The following PCDHA6 variants were observed in gnomAD, a reference collection of about 807,000 sequenced individuals.
PCDHA6 encodes protocadherin alpha 6, also known as protocadherin alpha-6.
PCDHA6 carries 55 observed loss-of-function variants against 60.3 expected under a neutral mutation model. That is an observed-to-expected ratio of 0.91 (90% CI 0.73 to 1.14). PCDHA6 has a LOEUF of 1.14. Ranked by LOEUF, PCDHA6 falls within the 50% of genes most tolerant of loss-of-function variation. The pLI, the probability that PCDHA6 is intolerant of heterozygous loss-of-function variation, is 0.00. For synonymous variants in PCDHA6, 652 were observed against 557.9 expected, an observed-to-expected ratio of 1.17 and a Z score of -2.38; for missense variants, 1,327 against 1,256.5, an observed-to-expected ratio of 1.06 and a Z score of -0.85.
Position 140,893,829 on chromosome 5 carries a change from A to G in PCDHA6, c.2394+63344A>G, listed in dbSNP as rs528174798. On this transcript the variant is annotated intron_variant, in intron 1 of 3. Transcript: ENST00000529310. ...TTGAGTCTGGTACCGTAGACTACTC[A>G]GCCATCCTGATGCCCTACCTCTTGT... Among the ~76,000 whole-genome samples the G allele has an allele frequency of 2.0e-5, 3 of 152,296 alleles. No homozygotes were observed. The South Asian group carries it at 6.2e-4, about 32-fold the overall frequency.
chr5:140,833,779 T>C (rs1330843349), intron 1 of PCDHA6, among the ~76,000 whole-genome samples: 1 of 152,042 alleles, frequency 6.6e-6, no homozygotes, highest in Non-Finnish European at 1.5e-5. Flanking sequence ...GCTTTCTAAG[T>C]TTCTCTTTCA....
In PCDHA6 at chr5:140,842,865, G is replaced by C; in HGVS notation, c.2394+12380G>C. ...TACATTTCGGTGCACACGGAGAGCG[G>C]CAAGGTGTACGCGCTGCAGCCGCTG... is the stretch of plus-strand genomic sequence containing the variant. On this transcript the variant is annotated intron_variant, in intron 1 of 3. Transcript: ENST00000529310. 6.3e-6 allele frequency: 10 copies of C among 1,593,986 alleles called. 1 individual carries two copies. Among genetic ancestry groups the C allele is most frequent in the Middle Eastern group, 2.1e-4 (1 of 4,754 alleles).
intron 1 of PCDHA6, chr5:140,848,806 T>G (rs2150421063): frequency 1.3e-6 from 2 of 1,591,932 alleles, no homozygotes; most frequent in African/African-American, 2.7e-5. Flanking sequence ...GAGTGCAGCA[T>G]CCACCTGGAG....
chr5:140,829,688 T>C lies in PCDHA6; in HGVS notation c.1597T>C (p.Phe533Leu). The change falls in exon 1 of 4, where the codon TTT becomes CTT. Residue 533 changes from phenylalanine to leucine, a missense_variant. Physicochemically the swap from Phe to Leu is conservative, Grantham distance 22 (BLOSUM62 0). Coordinates refer to ENST00000529310, the MANE Select transcript of PCDHA6 (RefSeq NM_018909.4). The part of the protein sequence containing the change: ...LDHEELELLQ[F>L]QVSARDAGVP... ...CCACGAGGAGCTAGAGCTGCTGCAG[T>C]TTCAGGTGAGCGCGCGCGACGCGGG... 1 of 1,613,234 alleles carries C rather than the reference T, an allele frequency of 6.2e-7. No homozygotes were observed. The highest frequency in any genetic ancestry group is 8.5e-7 in the Non-Finnish European group (1 of 1,179,850).
chr5:140,928,106 G>A, intron 1 of PCDHA6: 4 of 1,614,150 alleles, frequency 2.5e-6, no homozygotes, highest in Non-Finnish European at 3.4e-6. Context: ...CCCCTGGACC[G>A]GGAGCAGATC....
At chr5:140,876,483 G>C in intron 1 of PCDHA6, 1 of 1,614,004 alleles carries the variant, frequency 6.2e-7, no homozygotes, top group Non-Finnish European at 8.5e-7. Context: ...GCATGGTCCT[G>C]GTGGAAGTTC....
chr5:140,850,783 G>A lies in PCDHA6; in HGVS notation c.2394+20298G>A, dbSNP rs2150498112. 4.6e-5 allele frequency: 73 copies of A among 1,598,056 alleles called. 5 individuals carry two copies. Among genetic ancestry groups the A allele is most frequent in the East Asian group, 4.5e-5 (2 of 44,866 alleles). On this transcript the variant is annotated intron_variant, in intron 1 of 3. Coordinates refer to ENST00000529310, the MANE Select transcript of PCDHA6 (RefSeq NM_018909.4). ...AGGCAGAGGGTGTGCTCTGGCGAGG[G>A]TAAGCAGAAGACCGACCTCATGGCC... is the stretch of plus-strand genomic sequence containing the variant.
chr5:140,841,278 T>A, intron 1 of PCDHA6: 5 of 1,521,548 alleles, frequency 3.3e-6, no homozygotes, highest in Non-Finnish European at 3.5e-6. Context: ...GTCGTTCATC[T>A]TTATATTAAG....
chr5:140,928,177 A>G lies in PCDHA6; in HGVS notation c.2395-50772A>G, dbSNP rs781987562. Reference sequence around the variant, plus strand: ...TGGCTCACCCCCACTTAGCACCCGAAGGACAATCACTGTGTCAGTTGCTGA... The same window carrying G: ...TGGCTCACCCCCACTTAGCACCCGAGGGACAATCACTGTGTCAGTTGCTGA... On this transcript the variant is annotated intron_variant, in intron 1 of 3. Transcript: ENST00000529310. 8.7e-6 allele frequency: 14 copies of G among 1,614,218 alleles called. No homozygotes were observed. The East Asian group carries it at 2.7e-4, about 31-fold the overall frequency.
rs189785800 is a variant in PCDHA6 at position 141,012,340 on chromosome 5, G to A, written c.*2403G>A. ...TTATTGCTAATAAATGAAAATGGTG[G>A]TATGAAAGAAATGGTGGTCATTTCT... On this transcript the variant is annotated 3_prime_UTR_variant, in exon 4 of 4. Transcript: ENST00000529310. The A allele has an allele frequency of 3.6e-4, 55 of 153,812 alleles. No homozygotes were observed. The East Asian group carries it at 9.6e-3, about 27-fold the overall frequency. 9.5% of individuals were successfully genotyped at this position (153,812 alleles called of 1,614,324 possible).
intron 3 of PCDHA6, among the ~76,000 whole-genome samples, chr5:141,007,379 C>G (rs1178671835): frequency 7.1e-6 from 1 of 139,926 alleles, no homozygotes; most frequent in Non-Finnish European, 1.5e-5. Flanking sequence ...GATGGAACAC[C>G]ATCTCTACTA....
At chr5:140,858,469 C>T (rs782532416) in intron 1 of PCDHA6, 2 of 1,520,006 alleles carry the variant, frequency 1.3e-6, no homozygotes, top group African/African-American at 1.4e-5. Context: ...TCCTTTTGTG[C>T]TTTATGAATA....
chr5:140,850,266 G>A, intron 1 of PCDHA6: 2 of 1,594,736 alleles, frequency 1.3e-6, no homozygotes, highest in Non-Finnish European at 8.6e-7. Context: ...CGGCGTAGTG[G>A]TGGGGAAGGT....
intron 1 of PCDHA6, among the ~76,000 whole-genome samples, chr5:140,837,367 G>T (rs1006213707): frequency 1.1e-4 from 16 of 151,860 alleles, no homozygotes; most frequent in Non-Finnish European, 4.4e-5. Context: ...CAGTTTAATA[G>T]TATTTTTTAT....
intron 1 of PCDHA6, among the ~76,000 whole-genome samples, chr5:140,890,624 T>C (rs1487627842): frequency 6.6e-6 from 1 of 152,202 alleles, no homozygotes; most frequent in Non-Finnish European, 1.5e-5. Context: ...CCTAGAAAAT[T>C]AAGCATGTAT....
chr5:140,830,048 G>C lies in PCDHA6; in HGVS notation c.1957G>C (p.Asp653His), dbSNP rs2150180232. 24 of 1,613,674 alleles carry C rather than the reference G, an allele frequency of 1.5e-5. No homozygotes were observed. The highest frequency in any genetic ancestry group is 1.6e-4 in the Middle Eastern group (1 of 6,080). ...CCACCGGCTGCTGGTGCTGGTGAAA[G>C]ACCACGGTGAGCCGGCGCTGACAGC... ...PRHRLLVLVK[D>H]HGEPALTATA... Residue 653 changes from aspartate to histidine, a missense_variant, in exon 1 of 4, where the codon GAC becomes CAC. Coordinates refer to ENST00000529310, the MANE Select transcript of PCDHA6 (RefSeq NM_018909.4).
At chr5:140,956,073 T>C (rs2095254120) in intron 1 of PCDHA6, among the ~76,000 whole-genome samples, 1 of 152,208 alleles carries the variant, frequency 6.6e-6, no homozygotes, top group South Asian at 2.1e-4. Context: ...TTTCCAGATA[T>C]AGGATCATGT....
intron 1 of PCDHA6, among the ~76,000 whole-genome samples, chr5:140,910,519 G>T (rs187918127): frequency 4.6e-5 from 7 of 152,218 alleles, no homozygotes; most frequent in African/African-American, 4.8e-5. Flanking sequence ...AAGGATGCAG[G>T]TACTCCCCTC....
At chr5:140,937,798 G>A (rs782138454) in intron 1 of PCDHA6, among the ~76,000 whole-genome samples, 1 of 151,676 alleles carries the variant, frequency 6.6e-6, no homozygotes, top group African/African-American at 2.4e-5. Flanking sequence ...TGTAGTCCCA[G>A]CTACTCGGGA....
Sources: allele counts gnomAD v4.1 joint callset (sites outside exome capture counted in the v4.1 genomes callset), GRCh38; gene constraint gnomAD v4.1.1; transcripts MANE v1.5; gene names NCBI Gene and HGNC (gene_info 2026-07-23, HGNC 2026-07-21).